The following CRYBG1 variants were observed in gnomAD, a reference collection of about 807,000 sequenced individuals.
The protein encoded by CRYBG1 is crystallin beta-gamma domain containing 1, also known as beta/gamma crystallin domain-containing protein 1.
A neutral mutation model predicts 189.2 loss-of-function variants in CRYBG1; 139 were observed. That is an observed-to-expected ratio of 0.73 (90% CI 0.64 to 0.85). The LOEUF (loss-of-function observed/expected upper bound fraction) is 0.85. CRYBG1 is among the 40% of genes least tolerant of loss of function. CRYBG1 has a pLI of 0.00. For missense variants in CRYBG1, 2,611 were observed against 2,675.8 expected, an observed-to-expected ratio of 0.98 and a Z score of 0.53; for synonymous variants, 1,023 against 1,017.1, an observed-to-expected ratio of 1.01 and a Z score of -0.11.
At chr6:106,405,152 A>G (rs1770797374) in intron 1 of CRYBG1, among the ~76,000 whole-genome samples, 1 of 152,226 alleles carries the variant, frequency 6.6e-6, no homozygotes, top group Non-Finnish European at 1.5e-5. Flanking sequence ...TCTCGCTGCC[A>G]GCACAGCAGT....
chr6:106,498,435 A>T lies in CRYBG1; in HGVS notation c.313-12995A>T, dbSNP rs543997252. On this transcript the variant is annotated intron_variant, in intron 2 of 21. Transcript: ENST00000633556. ...TAATCCCGAATGGGGTTGTGATCCA[A>T]TCCCATTAGGAATGTATCTTATGGA... is the stretch of plus-strand genomic sequence containing the variant. Among the ~76,000 whole-genome samples, 20 of 152,294 alleles carry T rather than the reference A, an allele frequency of 1.3e-4. No homozygotes were observed. In the South Asian group the frequency reaches 4.2e-3, roughly 32 times the overall value.
rs752097216 is a variant in CRYBG1 at position 106,525,351 on chromosome 6, C to G, written c.4377C>G (p.Leu1459=). Residue 1459 remains leucine, a synonymous_variant, in exon 6 of 22, where the codon CTC becomes CTG. Coordinates refer to ENST00000633556, the MANE Select transcript of CRYBG1 (RefSeq NM_001371242.2). ...SDIQDCSSWS[L]SPVILIKVVR... ...TTCAGGATTGCAGTTCTTGGAGCCT[C>G]TCTCCAGTGATACTCATAAAAGTTG... 6.2e-7 allele frequency: 1 copy of G among 1,614,118 alleles called. No homozygotes were observed. Among genetic ancestry groups the G allele is most frequent in the African/African-American group, 1.3e-5 (1 of 75,040 alleles).
intron 13 of CRYBG1, among the ~76,000 whole-genome samples, chr6:106,550,710 G>A (rs1774377884): frequency 6.6e-6 from 1 of 152,010 alleles, no homozygotes. Flanking sequence ...TTCTTTTTCA[G>A]TGTGGTTTGT....
intron 1 of CRYBG1, among the ~76,000 whole-genome samples, chr6:106,418,237 G>A (rs983184794): frequency 6.6e-6 from 1 of 152,208 alleles, no homozygotes; most frequent in Admixed American, 6.5e-5. Context: ...ATAGGGGAAG[G>A]GCAGGCCATA....
At chr6:106,405,311 C>G (rs186370819) in intron 1 of CRYBG1, among the ~76,000 whole-genome samples, 1 of 152,238 alleles carries the variant, frequency 6.6e-6, no homozygotes, top group Non-Finnish European at 1.5e-5. Flanking sequence ...AGCAGAGCCA[C>G]TGTAGCTGGA....
rs1483836064 is a variant in CRYBG1 at position 106,569,752 on chromosome 6, A to G, written c.*1186A>G. The G allele has an allele frequency of 6.6e-6, 1 of 152,192 alleles. No individual in the cohort carries two copies. Among genetic ancestry groups the G allele is most frequent in the Non-Finnish European group, 1.5e-5 (1 of 68,046 alleles). The allele number at this position is 152,192 out of a possible 1,614,324, so 9.4% of individuals were successfully genotyped here. ...CCACCTGCATCCACACATGGCCTGCATGGGGCTGCCTTCCCTGCAGTGTTC... is the reference window on the plus strand; with the variant it reads ...CCACCTGCATCCACACATGGCCTGCGTGGGGCTGCCTTCCCTGCAGTGTTC... On this transcript the variant is annotated 3_prime_UTR_variant, in exon 22 of 22. Coordinates refer to ENST00000633556, the MANE Select transcript of CRYBG1 (RefSeq NM_001371242.2).
chr6:106,548,279 G>A (rs1053601103), intron 13 of CRYBG1, among the ~76,000 whole-genome samples: 1 of 152,118 alleles, frequency 6.6e-6, no homozygotes, highest in African/African-American at 2.4e-5. Context: ...GGGTTTTGCG[G>A]CTTCTCCCCT....
In CRYBG1 at chr6:106,520,249, A is replaced by G. The variant is rs1562101520; in HGVS notation, c.3041A>G (p.His1014Arg). Reference sequence around the variant, plus strand: ...CAAGAGGAAGTACTGGGCAATGAACACTCTCATTGCACAGCAGAGCTCGCG... The same window carrying G: ...CAAGAGGAAGTACTGGGCAATGAACGCTCTCATTGCACAGCAGAGCTCGCG... Reference protein sequence around the residue: ...PPQEEVLGNEHSHCTAELAAK... With the variant: ...PPQEEVLGNERSHCTAELAAK... The change falls in exon 4 of 22, where the codon CAC (histidine) becomes CGC (arginine). Residue 1014 changes from histidine to arginine, a missense_variant. Physicochemically the swap from His to Arg is conservative, Grantham distance 29 (BLOSUM62 0). Transcript: ENST00000633556. 9 of 1,614,054 alleles carry G rather than the reference A, an allele frequency of 5.6e-6. No homozygotes were observed. The highest frequency in any genetic ancestry group is 1.1e-5 in the South Asian group (1 of 91,072).
chr6:106,396,951 A>T (rs141488686), intron 1 of CRYBG1, among the ~76,000 whole-genome samples: 3,064 of 152,338 alleles, frequency 0.02, 110 homozygotes, highest in African/African-American at 0.069. Context: ...AATTGCTGGG[A>T]TTACAGGCAT....
chr6:106,550,098 T>A (rs1774361654), intron 13 of CRYBG1, among the ~76,000 whole-genome samples: 1 of 152,166 alleles, frequency 6.6e-6, no homozygotes, highest in African/African-American at 2.4e-5. Context: ...AATACTTCCA[T>A]GTGATGCTGC....
intron 2 of CRYBG1, among the ~76,000 whole-genome samples, chr6:106,508,726 G>A (rs776706939): frequency 7.2e-5 from 11 of 152,062 alleles, no homozygotes; most frequent in African/African-American, 1.2e-4. Context: ...AGCCATGTCC[G>A]GTGACTTTGA....
chr6:106,545,962 G>A (rs1774259231), intron 13 of CRYBG1, among the ~76,000 whole-genome samples: 2 of 152,206 alleles, frequency 1.3e-5, no homozygotes, highest in African/African-American at 2.4e-5. Flanking sequence ...TTACAGGCAT[G>A]AGCCACCATG....
chr6:106,562,809 G>A (rs1774763742), intron 20 of CRYBG1, among the ~76,000 whole-genome samples: 1 of 151,530 alleles, frequency 6.6e-6, no homozygotes, highest in Admixed American at 6.6e-5. Flanking sequence ...CTTTTAACAG[G>A]CATTTTTATA....
intron 3 of CRYBG1, among the ~76,000 whole-genome samples, chr6:106,514,196 A>G (rs1472738958): frequency 1.3e-5 from 2 of 152,190 alleles, no homozygotes; most frequent in East Asian, 1.9e-4. Flanking sequence ...AAGGTACTCT[A>G]TGAAACTGAT....
rs72939437 is a variant in CRYBG1 at position 106,513,216 on chromosome 6, C to T, written c.1922+177C>T. Among the ~76,000 whole-genome samples the T allele has an allele frequency of 5.0e-3, 757 of 152,308 alleles. 3 individuals are homozygous for T. Among genetic ancestry groups the T allele is most frequent in the Non-Finnish European group, 8.3e-3 (568 of 68,026 alleles). On this transcript the variant is annotated intron_variant, in intron 3 of 21. Coordinates refer to ENST00000633556, the MANE Select transcript of CRYBG1 (RefSeq NM_001371242.2). ...TACACAGTCAAGATTTAAGATGACA[C>T]CTGTGGCAGCCTCCTCAGTTAATTC...
chr6:106,411,936 C>T (rs1396335301), intron 1 of CRYBG1, among the ~76,000 whole-genome samples: 1 of 152,230 alleles, frequency 6.6e-6, no homozygotes, highest in African/African-American at 2.4e-5. Flanking sequence ...GCTTCTCCCT[C>T]TTCTTTCACC....
intron 1 of CRYBG1, among the ~76,000 whole-genome samples, chr6:106,413,826 G>C (rs1203569645): frequency 6.6e-6 from 1 of 152,146 alleles, no homozygotes; most frequent in Non-Finnish European, 1.5e-5. Context: ...AGTTTTTATT[G>C]CCCTGCTGGG....
chr6:106,514,073 T>C (rs940513208), intron 3 of CRYBG1, among the ~76,000 whole-genome samples: 1 of 152,204 alleles, frequency 6.6e-6, no homozygotes, highest in African/African-American at 2.4e-5. Context: ...AATGTTACCA[T>C]CTGTAAATCC....
intron 1 of CRYBG1, among the ~76,000 whole-genome samples, chr6:106,401,390 CTTTT>C (rs67766893): frequency 9.3e-5 from 13 of 140,402 alleles, no homozygotes; most frequent in African/African-American, 3.2e-4. Flanking sequence ...CTGAATGATT[CTTTT>C]TTTTTTTTTT....
Sources: gnomAD v4.1 joint callset for allele counts (sites outside exome capture counted in the v4.1 genomes callset) on GRCh38, gnomAD v4.1.1 for gene constraint, MANE v1.5 for transcripts, NCBI Gene and HGNC (gene_info 2026-07-23, HGNC 2026-07-21) for gene names.